The following STAB2 variants were observed in gnomAD, a reference collection of about 807,000 sequenced individuals.
The protein encoded by STAB2 is stabilin-2.
STAB2 carries 288 observed loss-of-function variants against 338.1 expected under a neutral mutation model. That is an observed-to-expected ratio of 0.85 (90% confidence interval 0.77 to 0.94). STAB2 has a LOEUF of 0.94. STAB2 is among the 40% of genes least tolerant of loss of function. The pLI is 0.00. For synonymous variants in STAB2, 1,202 were observed against 1,193.3 expected (o/e 1.01, Z -0.15); for missense variants, 3,141 against 3,210.1 (o/e 0.98, Z 0.52).
intron 2 of STAB2, among the ~76,000 whole-genome samples, chr12:103,593,101 T>C (rs958997554): frequency 6.6e-6 from 1 of 152,224 alleles, no homozygotes; most frequent in Non-Finnish European, 1.5e-5. Context: ...ATGTCTTGGC[T>C]ATTGTGAATA....
chr12:103,725,514 C>T (rs752259413), intron 45 of STAB2, among the ~76,000 whole-genome samples: 42 of 152,180 alleles, frequency 2.8e-4, no homozygotes, highest in Non-Finnish European at 4.3e-4. Flanking sequence ...ACCACATTAC[C>T]ATGGCGTGGA....
chr12:103,724,950 C>A (rs1217512119), intron 44 of STAB2, 25 bp from the exon 45 acceptor site: 6 of 1,611,936 alleles, frequency 3.7e-6, no homozygotes, highest in Non-Finnish European at 5.1e-6. Context: ...AATCCCCATC[C>A]CTTGCCCCTT....
intron 4 of STAB2, 105 bp downstream of exon 4, chr12:103,620,658 C>A: frequency 2.1e-6 from 2 of 949,244 alleles, no homozygotes; most frequent in Non-Finnish European, 3.2e-6. Context: ...CACACACGTG[C>A]ACACACACAT....
At chr12:103,726,086 G>T in intron 45 of STAB2, 30 bp from the exon 46 acceptor site, 1 of 1,611,714 alleles carries the variant, frequency 6.2e-7, no homozygotes, top group Non-Finnish European at 8.5e-7. Flanking sequence ...TATTTCACAG[G>T]CATTAAGTGA....
At chr12:103,596,196 C>G (rs1956873643) in intron 3 of STAB2, among the ~76,000 whole-genome samples, 1 of 152,188 alleles carries the variant, frequency 6.6e-6, no homozygotes, top group South Asian at 2.1e-4. Context: ...GTCTAGTTCT[C>G]ATAGACATTT....
chr12:103,638,082 G>C lies in STAB2; in HGVS notation c.776G>C (p.Arg259Pro). ...HAHCTYLGPN[R>P]HSCTCQEGYR... ...CATTGTACGTACCTGGGACCAAATC[G>C]GCACAGTTGTACATGCCAAGAAGGC... The change falls in exon 8 of 69, where the codon CGG (arginine) becomes CCG (proline). Residue 259 changes from arginine (R) to proline (P), a missense_variant. Transcript: ENST00000388887. 1 of 1,614,080 alleles carries C rather than the reference G, an allele frequency of 6.2e-7. No homozygotes were observed. The highest frequency in any genetic ancestry group is 1.1e-5 in the South Asian group (1 of 91,074).
intron 2 of STAB2, 108 bp from the exon 3 acceptor site, chr12:103,594,287 A>T: frequency 1.3e-6 from 1 of 763,502 alleles, no homozygotes; most frequent in Non-Finnish European, 2.2e-6. Context: ...AGATATTTTT[A>T]ACTGTAGATA....
At chr12:103,614,275 A>C (rs1008186199) in intron 3 of STAB2, among the ~76,000 whole-genome samples, 2 of 152,202 alleles carry the variant, frequency 1.3e-5, no homozygotes, top group Non-Finnish European at 2.9e-5. Context: ...ATTTGTTGCC[A>C]TTGACAGAGG....
chr12:103,670,883 G>A, intron 22 of STAB2, 76 bp downstream of exon 22: 1 of 1,246,170 alleles, frequency 8.0e-7, no homozygotes, highest in South Asian at 1.3e-5. Context: ...TGCTGGTGCA[G>A]GGCTGGTGTC....
chr12:103,705,613 AG>A lies in STAB2; in HGVS notation c.3901-18del. The A allele has an allele frequency of 6.2e-7, 1 of 1,610,974 alleles. No individual in the cohort carries two copies. Among genetic ancestry groups the A allele is most frequent in the African/African-American group, 1.3e-5 (1 of 75,014 alleles). ...TTTTTCCTAACTTAGGAGCTGACGT[AG>A]TCATTAATATTTCACAGGGTAATGA... is the stretch of plus-strand genomic sequence containing the variant. On this transcript the variant is annotated intron_variant, in intron 36 of 68. Coordinates refer to ENST00000388887, the MANE Select transcript of STAB2 (RefSeq NM_017564.10).
In STAB2 at chr12:103,715,819, C is replaced by T; in HGVS notation, c.4542C>T (p.Ile1514=). 1 of 1,614,054 alleles carries T rather than the reference C, an allele frequency of 6.2e-7. No individual in the cohort carries two copies. Among genetic ancestry groups the T allele is most frequent in the Non-Finnish European group, 8.5e-7 (1 of 1,179,968 alleles). ...YTGDGIVCLE[I]NPCLENHGGC... is the part of the protein sequence containing the mutation. ...TGTTGGCTTTTTGTTTTAAAGAAAT[C>T]AACCCGTGTTTGGAGAACCATGGTG... is the stretch of plus-strand genomic sequence containing the variant. The change falls in exon 43 of 69, where the codon ATC becomes ATT. Residue 1514 remains isoleucine (I), a synonymous_variant. Transcript: ENST00000388887.
intron 19 of STAB2, among the ~76,000 whole-genome samples, chr12:103,667,741 C>T (rs937893893): frequency 3.3e-5 from 5 of 152,214 alleles, no homozygotes; most frequent in African/African-American, 1.2e-4. Flanking sequence ...AGGAAAGTCT[C>T]ATTGCCCTCT....
intron 58 of STAB2, among the ~76,000 whole-genome samples, chr12:103,747,308 G>A (rs1490325304): frequency 2.6e-5 from 4 of 152,196 alleles, no homozygotes; most frequent in Non-Finnish European, 2.9e-5. Context: ...AGGCCCAAAT[G>A]AACAGTGGCA....
intron 25 of STAB2, 111 bp downstream of exon 25, chr12:103,677,722 T>C (rs894315647): frequency 7.3e-7 from 1 of 1,375,618 alleles, no homozygotes; most frequent in East Asian, 2.4e-5. Context: ...CTTTTTTCAG[T>C]CATTCGTGGC....
chr12:103,683,441 A>G, intron 26 of STAB2, 141 bp downstream of exon 26: 1 of 617,758 alleles, frequency 1.6e-6, no homozygotes, highest in Non-Finnish European at 2.6e-6. Flanking sequence ...GAATGCGAGT[A>G]GTTATTGCAA....
intron 5 of STAB2, among the ~76,000 whole-genome samples, chr12:103,627,576 C>T: frequency 6.6e-6 from 1 of 152,234 alleles, no homozygotes; most frequent in African/African-American, 2.4e-5. Context: ...ACGTCTCCTT[C>T]CCAAGGGCAT....
intron 28 of STAB2, among the ~76,000 whole-genome samples, chr12:103,688,640 G>A (rs1877646515): frequency 6.6e-6 from 1 of 152,170 alleles, no homozygotes; most frequent in Non-Finnish European, 1.5e-5. Context: ...GCAACAAATG[G>A]TTTATCCCCT....
intron 56 of STAB2, among the ~76,000 whole-genome samples, chr12:103,743,029 T>TTC (rs1337037143): frequency 6.6e-6 from 1 of 150,376 alleles, no homozygotes; most frequent in Non-Finnish European, 1.5e-5. Flanking sequence ...TTTTCTTTTT[T>TTC]TTTTTTTTTT....
chr12:103,587,297 T>G lies in STAB2; in HGVS notation c.-180T>G. 1.7e-6 allele frequency: 1 copy of G among 603,864 alleles called. No homozygotes were observed. 37.4% of individuals were successfully genotyped at this position (603,864 alleles called of 1,614,324 possible). On this transcript the variant is annotated 5_prime_UTR_variant, in exon 1 of 69. Transcript: ENST00000388887. ...CACCAAGACTCCTGGATTTGCCATT[T>G]TTCCTTTCTGAAGGCAGGTCTCACC...
Sources: allele counts gnomAD v4.1 joint callset (sites outside exome capture counted in the v4.1 genomes callset), GRCh38; gene constraint gnomAD v4.1.1; transcripts MANE v1.5; gene names NCBI Gene and HGNC (gene_info 2026-07-23, HGNC 2026-07-21).